The following HIPK2 variants were observed in gnomAD, a reference collection of about 807,000 sequenced individuals.
The protein encoded by HIPK2 is homeodomain-interacting protein kinase 2.
In HIPK2, 27 loss-of-function variants were observed where a neutral mutation model predicts 113.7. The ratio of observed to expected loss-of-function variants is 0.24; its 90% confidence interval spans 0.17 to 0.33. HIPK2 has a LOEUF of 0.33. HIPK2 is among the 10% of genes least tolerant of loss of function. HIPK2 has a pLI of 1.00. For missense variants in HIPK2, 1,257 were observed against 1,588.0 expected (o/e 0.79, Z 3.54); for synonymous variants, 631 against 642.2 (o/e 0.98, Z 0.26).
At chr7:139,753,988 C>G (rs1230797616) in intron 1 of HIPK2, among the ~76,000 whole-genome samples, 1 of 152,232 alleles carries the variant, frequency 6.6e-6, no homozygotes, top group Non-Finnish European at 1.5e-5. Context: ...GGCAGCAGCC[C>G]TGCCTGTGGG....
At chr7:139,614,005 A>G (rs752172470) in intron 8 of HIPK2, among the ~76,000 whole-genome samples, 1 of 152,236 alleles carries the variant, frequency 6.6e-6, no homozygotes, top group Non-Finnish European at 1.5e-5. Flanking sequence ...ATGAAAGCAC[A>G]AACTATGTAC....
intron 1 of HIPK2, among the ~76,000 whole-genome samples, chr7:139,774,661 A>G (rs529311414): frequency 1.3e-5 from 2 of 152,300 alleles, no homozygotes; most frequent in East Asian, 3.9e-4. Flanking sequence ...ATAGTAATCA[A>G]CACAGCATAT....
At chr7:139,698,819 T>C (rs1251063440) in intron 2 of HIPK2, among the ~76,000 whole-genome samples, 2 of 152,280 alleles carry the variant, frequency 1.3e-5, no homozygotes, top group East Asian at 3.9e-4. Context: ...TCTAGCTCCT[T>C]GACCAGGACT....
In HIPK2 at chr7:139,575,411, A is replaced by G. The variant is rs116185053; in HGVS notation, c.2966-123T>C. 1.4e-3 allele frequency: 1,581 copies of G among 1,149,900 alleles called. 9 individuals are homozygous for G. In the African/African-American group the frequency reaches 0.017, roughly 12 times the overall value. 71.2% of individuals were successfully genotyped at this position (1,149,900 alleles called of 1,614,324 possible). On this transcript the variant is annotated intron_variant, in intron 13 of 14. Transcript: ENST00000406875. Reference sequence around the variant, plus strand: ...ATGTGCCTGAGGCCGGGCAGTAACAAATCAGCCTCATCTCCCCCGGACCCA... The same window carrying G: ...ATGTGCCTGAGGCCGGGCAGTAACAGATCAGCCTCATCTCCCCCGGACCCA...
At position 139,579,141 on chromosome 7, in the gene HIPK2, A is replaced by G. The variant is rs1798585658; in HGVS notation, c.2966-3853T>C. On this transcript the variant is annotated intron_variant, in intron 13 of 14. Transcript: ENST00000406875. ...CAGTCATTCGCCAAAATGCGGTGCT[A>G]TTGTTCCACAGAGCCCCAACTCTAA... Among the ~76,000 whole-genome samples the G allele has an allele frequency of 3.3e-5, 5 of 152,202 alleles. No homozygotes were observed. The South Asian group carries it at 1.0e-3, about 32-fold the overall frequency.
At chr7:139,743,465 A>T (rs546567913) in intron 1 of HIPK2, among the ~76,000 whole-genome samples, 1 of 152,376 alleles carries the variant, frequency 6.6e-6, no homozygotes, top group African/African-American at 2.4e-5. Context: ...TGGCAGTGGA[A>T]AGAAGCCAGT....
chr7:139,712,365 G>T (rs1195598760), intron 2 of HIPK2, among the ~76,000 whole-genome samples: 1 of 152,226 alleles, frequency 6.6e-6, no homozygotes, highest in Non-Finnish European at 1.5e-5. Context: ...GTGTCACTAG[G>T]TGGGGACAAT....
At chr7:139,667,471 A>C (rs939681745) in intron 2 of HIPK2, among the ~76,000 whole-genome samples, 2 of 152,238 alleles carry the variant, frequency 1.3e-5, no homozygotes, top group Admixed American at 1.3e-4. Flanking sequence ...GAAGAACTGT[A>C]CACATACATA....
chr7:139,643,885 C>G (rs189557862), intron 2 of HIPK2, among the ~76,000 whole-genome samples: 7 of 152,336 alleles, frequency 4.6e-5, no homozygotes, highest in African/African-American at 1.7e-4. Context: ...CTTTACCCAT[C>G]CCTGGCCTGG....
chr7:139,694,986 G>A (rs899256375), intron 2 of HIPK2, among the ~76,000 whole-genome samples: 1 of 151,870 alleles, frequency 6.6e-6, no homozygotes, highest in Non-Finnish European at 1.5e-5. Flanking sequence ...CCACAGGCTC[G>A]CCCCCTATTA....
At chr7:139,600,732 T>G (rs1467486006) in intron 10 of HIPK2, 136 bp from the exon 11 acceptor site, 13 of 966,248 alleles carry the variant, frequency 1.3e-5, no homozygotes, top group Non-Finnish European at 2.0e-5. Context: ...GCTGAAGGGA[T>G]GAGCCTGGCC....
At chr7:139,626,303 A>G (rs1800426970) in intron 6 of HIPK2, among the ~76,000 whole-genome samples, 1 of 151,822 alleles carries the variant, frequency 6.6e-6, no homozygotes, top group Non-Finnish European at 1.5e-5. Context: ...GGGTTTCACC[A>G]TATTGGCCAG....
chr7:139,729,112 C>G (rs1795684267), intron 1 of HIPK2, among the ~76,000 whole-genome samples: 1 of 152,018 alleles, frequency 6.6e-6, no homozygotes, highest in African/African-American at 2.4e-5. Flanking sequence ...CTGCTTGAGC[C>G]CAGAAGTTCA....
At chr7:139,715,710 G>A (rs913300627) in intron 2 of HIPK2, among the ~76,000 whole-genome samples, 11 of 152,188 alleles carry the variant, frequency 7.2e-5, no homozygotes, top group Non-Finnish European at 4.4e-5. Context: ...CCCTTCCAAC[G>A]CTGAACACCT....
At chr7:139,686,484 G>A (rs992727666) in intron 2 of HIPK2, among the ~76,000 whole-genome samples, 2 of 152,186 alleles carry the variant, frequency 1.3e-5, no homozygotes, top group Non-Finnish European at 2.9e-5. Context: ...GAGGGACCTG[G>A]TGGGAGGTAA....
Position 139,626,497 on chromosome 7 carries a change from G to A in HIPK2, c.1619+104C>T, listed in dbSNP as rs147076320. The A allele has an allele frequency of 1.6e-4, 193 of 1,179,352 alleles. No homozygotes were observed. The African/African-American group carries it at 2.5e-3, about 15-fold the overall frequency. 73.1% of individuals were successfully genotyped at this position (1,179,352 alleles called of 1,614,324 possible). A position where few individuals can be genotyped will look rare whatever the true frequency, so the allele number is the denominator to read the frequency against. On this transcript the variant is annotated intron_variant, in intron 6 of 14. Transcript: ENST00000406875. ...TGCTTTCAGCTACAGTGACAGCTGA[G>A]TAGTTGTTACCAAGACCTTATGGCC...
At chr7:139,765,061 A>G (rs148377504) in intron 1 of HIPK2, among the ~76,000 whole-genome samples, 203 of 152,042 alleles carry the variant, frequency 1.3e-3, no homozygotes, top group African/African-American at 4.6e-3. Context: ...TCTTGAACCC[A>G]GGAGGCAGAG....
intron 6 of HIPK2, among the ~76,000 whole-genome samples, chr7:139,623,141 A>G (rs920539015): frequency 6.6e-6 from 1 of 152,136 alleles, no homozygotes; most frequent in African/African-American, 2.4e-5. Context: ...TATCCAGTAA[A>G]TTGCCAAGTC....
In HIPK2 at chr7:139,768,288, T is replaced by C. The variant is rs147120968; in HGVS notation, c.19+9317A>G. Among the ~76,000 whole-genome samples, 6 of 152,286 alleles carry C rather than the reference T, an allele frequency of 3.9e-5. No homozygotes were observed. The East Asian group carries it at 1.2e-3, about 29-fold the overall frequency. ...AATTTCAAATGCTGCTCATCTGGAC[T>C]GAAATGCTTCCCAGGCAGGTGGGGA... is the stretch of plus-strand genomic sequence containing the variant. On this transcript the variant is annotated intron_variant, in intron 1 of 14. Transcript: ENST00000406875.
Sources: gnomAD v4.1 joint callset for allele counts (sites outside exome capture counted in the v4.1 genomes callset) on GRCh38, gnomAD v4.1.1 for gene constraint, MANE v1.5 for transcripts, NCBI Gene and HGNC (gene_info 2026-07-23, HGNC 2026-07-21) for gene names.